The following GPR161 variants were observed in gnomAD, a reference collection of about 807,000 sequenced individuals.
GPR161 encodes G-protein coupled receptor RE2.
In GPR161, 25 loss-of-function variants were observed where a neutral mutation model predicts 39.2. The observed-to-expected ratio is 0.64, with a 90% CI of 0.47 to 0.89. The LOEUF (loss-of-function observed/expected upper bound fraction) is 0.89. Ranked by LOEUF, GPR161 falls within the 40% of genes least tolerant of loss-of-function variation. The probability of loss-of-function intolerance (pLI) is 0.00; values close to 1 mark genes in which losing one functional copy is unlikely to be tolerated. For missense variants in GPR161, 547 were observed against 677.8 expected (o/e 0.81, Z 2.14); for synonymous variants, 286 against 276.6 (o/e 1.03, Z -0.34).
chr1:168,115,290 A>C (rs1182252844), intron 1 of GPR161, among the ~76,000 whole-genome samples: 1 of 152,070 alleles, frequency 6.6e-6, no homozygotes, highest in Non-Finnish European at 1.5e-5. Context: ...CTTGCAACTT[A>C]CAGAATCCTA....
chr1:168,102,050 A>G (rs7511936), intron 2 of GPR161, among the ~76,000 whole-genome samples: 7,100 of 151,924 alleles, frequency 0.047, 478 homozygotes, highest in African/African-American at 0.14. Context: ...TGATCCACCC[A>G]CCTCGGCCTC....
chr1:168,089,193 CTGAATGAATGAA>C (rs35697103), intron 4 of GPR161: 2 of 151,626 alleles, frequency 1.3e-5, no homozygotes, highest in African/African-American at 4.8e-5. Context: ...CAAATAACTG[CTGAATGAATGAA>C]TGAATGAATG....
intron 1 of GPR161, among the ~76,000 whole-genome samples, chr1:168,131,189 CTCT>C (rs1237470507): frequency 2.0e-5 from 3 of 152,128 alleles, no homozygotes; most frequent in East Asian, 1.9e-4. Flanking sequence ...AGGCATTTCT[CTCT>C]TCTTCTTATT....
At chr1:168,137,332 C>G (rs1429044859), upstream of GPR161, 17 of 1,535,532 alleles carry the variant, frequency 1.1e-5, no homozygotes, top group Non-Finnish European at 1.4e-5. Context: ...TCCGCACAGT[C>G]CCATTCTCCT....
rs1694136714 is a variant in GPR161 at position 168,082,357 on chromosome 1, TCA to T, written c.*3172_*3173del. Reference sequence around the variant, plus strand: ...GACTACACGATAAGGGCAAAGGAATTCAAAACAAGAGTGCCCAGCCAGAGGCA... The same window carrying T: ...GACTACACGATAAGGGCAAAGGAATTAAACAAGAGTGCCCAGCCAGAGGCA... On this transcript the variant is annotated 3_prime_UTR_variant, in exon 6 of 6. Transcript: ENST00000682931. 6.6e-6 allele frequency: 1 copy of T among 152,204 alleles called. No individual in the cohort carries two copies. The allele number at this position is 152,204 out of a possible 1,614,324, so 9.4% of individuals were successfully genotyped here.
At chr1:168,107,533 C>T (rs559441906) in intron 1 of GPR161, among the ~76,000 whole-genome samples, 5 of 152,254 alleles carry the variant, frequency 3.3e-5, no homozygotes, top group African/African-American at 1.2e-4. Context: ...CTACAGCGTC[C>T]CCACCAACAA....
rs575056860 is a variant in GPR161 at position 168,090,539 on chromosome 1, G to A, written c.1204+25C>T. On this transcript the variant is annotated intron_variant, in intron 4 of 5. Transcript: ENST00000682931. ...AACACAGGGAAAACGCGACAGGTGA[G>A]AGGCTTATAAAGCACGCAGGTTACC... 1.6e-4 allele frequency: 213 copies of A among 1,349,486 alleles called. 2 individuals are homozygous for A. The South Asian group carries it at 2.3e-3, about 15-fold the overall frequency. The allele number at this position is 1,349,486 out of a possible 1,614,324, so 83.6% of individuals were successfully genotyped here.
rs370407295 is a variant in GPR161 at position 168,110,572 on chromosome 1, GAA to G, written c.-44-5680_-44-5679del. 3.6e-4 allele frequency among the ~76,000 whole-genome samples: 42 copies of G among 116,014 alleles called. 1 individual carries two copies. In the South Asian group the frequency reaches 9.8e-3, roughly 27 times the overall value. 76.1% of individuals were successfully genotyped at this position (116,014 alleles called of 152,430 possible). A position where few individuals can be genotyped will look rare whatever the true frequency, so the allele number is the denominator to read the frequency against. ...GAAAAGAAAAGAAAAGAAAAGAAAA[GAA>G]AAGAAAAGAAAAGAAAAGAAAAGAG... On this transcript the variant is annotated intron_variant, in intron 1 of 5. Coordinates refer to ENST00000682931, the MANE Select transcript of GPR161 (RefSeq NM_001375883.1).
intron 1 of GPR161, chr1:168,136,045 A>G: frequency 8.0e-7 from 1 of 1,245,332 alleles, no homozygotes; most frequent in Non-Finnish European, 1.0e-6. Flanking sequence ...CCTTTGTCCA[A>G]AGGTTGCACG....
intron 3 of GPR161, among the ~76,000 whole-genome samples, chr1:168,091,431 A>G (rs1010835790): frequency 5.9e-5 from 9 of 152,146 alleles, no homozygotes; most frequent in Non-Finnish European, 1.0e-4. Flanking sequence ...GAGACTGCAG[A>G]ACTCTTCCCT....
chr1:168,090,452 G>A, intron 4 of GPR161, 112 bp downstream of exon 4: 1 of 580,148 alleles, frequency 1.7e-6, no homozygotes, highest in Non-Finnish European at 3.1e-6. Flanking sequence ...CACCCACCGT[G>A]GGAAATGCCC....
At chr1:168,097,318 T>C (rs1695655117) in intron 2 of GPR161, 86 bp from the exon 3 acceptor site, 1 of 1,387,326 alleles carries the variant, frequency 7.2e-7, no homozygotes, top group African/African-American at 1.4e-5. Context: ...CTCCCATGAC[T>C]GGGTTGGATG....
At position 168,104,707 on chromosome 1, in the gene GPR161, G is replaced by A. The variant is rs762387709; in HGVS notation, c.144C>T (p.Ile48=). The change falls in exon 2 of 6, where the codon ATC becomes ATT. Residue 48 remains isoleucine, a synonymous_variant. Coordinates refer to ENST00000682931, the MANE Select transcript of GPR161 (RefSeq NM_001375883.1). The part of the protein sequence containing the change: ...TIFVCLGNLV[I]VVTLYKKSYL... ...AGGACTTCTTGTACAAGGTGACCAC[G>A]ATGACCAGGTTTCCCAGGCAGACAA... The A allele has an allele frequency of 6.8e-6, 11 of 1,613,876 alleles. No individual in the cohort carries two copies. Among genetic ancestry groups the A allele is most frequent in the Non-Finnish European group, 9.3e-6 (11 of 1,179,784 alleles).
chr1:168,131,067 T>C (rs1698951309), intron 1 of GPR161, among the ~76,000 whole-genome samples: 1 of 152,190 alleles, frequency 6.6e-6, no homozygotes, highest in South Asian at 2.1e-4. Flanking sequence ...AAGCAGTTGG[T>C]TCCATTTCCT....
At chr1:168,137,430 C>G (rs898399240), upstream of GPR161, 3 of 1,522,534 alleles carry the variant, frequency 2.0e-6, no homozygotes, top group African/African-American at 2.7e-5. Context: ...ATCCATCTGC[C>G]TTCTGCCAGG....
intron 1 of GPR161, among the ~76,000 whole-genome samples, chr1:168,131,441 C>G (rs886660111): frequency 6.6e-6 from 1 of 152,002 alleles, no homozygotes; most frequent in Admixed American, 6.6e-5. Flanking sequence ...AATGCTGTCT[C>G]TTCCTCCTCA....
At chr1:168,108,486 TAAAAAAAA>T (rs10670498) in intron 1 of GPR161, among the ~76,000 whole-genome samples, 443 of 17,476 alleles carry the variant, frequency 0.025, 27 homozygotes, top group African/African-American at 0.11. Flanking sequence ...GCCCTAGTTG[TAAAAAAAA>T]AAAAAAAAAA....
intron 1 of GPR161, 168 bp downstream of exon 1, chr1:168,136,571 G>T (rs796732928): frequency 1.6e-6 from 2 of 1,243,838 alleles, no homozygotes; most frequent in African/African-American, 3.1e-5. Flanking sequence ...GCGGAGGACA[G>T]CCCTGACCTC....
intron 1 of GPR161, among the ~76,000 whole-genome samples, chr1:168,132,828 TC>T (rs1326802030): frequency 6.6e-6 from 1 of 152,112 alleles, no homozygotes; most frequent in Non-Finnish European, 1.5e-5. Context: ...CACTGCAACC[TC>T]CGCCTCCTGG....
Sources: allele counts gnomAD v4.1 joint callset (sites outside exome capture counted in the v4.1 genomes callset), GRCh38; gene constraint gnomAD v4.1.1; transcripts MANE v1.5; gene names NCBI Gene and HGNC (gene_info 2026-07-23, HGNC 2026-07-21).